NLRP11: variants seen among roughly 807,000 people sequenced by gnomAD.
The protein encoded by NLRP11 is NLR family pyrin domain containing 11.
Under a neutral mutation model 79.3 loss-of-function variants are expected in NLRP11, and 53 were observed. That is an observed-to-expected ratio of 0.67 (90% CI 0.54 to 0.84). NLRP11 has a LOEUF of 0.84. Ranked by LOEUF, NLRP11 falls within the 40% of genes least tolerant of loss-of-function variation. NLRP11 has a pLI of 0.00. For missense variants in NLRP11, 1,264 were observed against 1,255.0 expected (o/e 1.01, Z -0.11); for synonymous variants, 518 against 462.6 (o/e 1.12, Z -1.54).
rs541526729 is a variant in NLRP11 at position 55,809,468 on chromosome 19, T to C, written c.1142A>G (p.Glu381Gly). 4.0e-5 allele frequency: 64 copies of C among 1,614,142 alleles called. No homozygotes were observed. The South Asian group carries it at 6.4e-4, about 16-fold the overall frequency. ...ATACTGATTGGCAGTAAGTCCAGCC[T>C]CTGATGTCAACGCATCAGCAAGAAA... The change falls in exon 3 of 10, where the codon GAG (glutamate) becomes GGG (glycine). Residue 381 changes from glutamate to glycine, a missense_variant. Physicochemically the swap from Glu to Gly is moderately conservative, Grantham distance 98. Transcript: ENST00000589093. This position sits in a 1 kb window ranked among gnomAD's most constrained non-coding sequence, Gnocchi z 4.5.
At chr19:55,805,649 C>G (rs904772997) in intron 4 of NLRP11, among the ~76,000 whole-genome samples, 2 of 152,126 alleles carry the variant, frequency 1.3e-5, no homozygotes, top group African/African-American at 4.8e-5. Context: ...AAGCGATTCT[C>G]CTGCCTCAGC....
exon 3 of NLRP11, chr19:55,808,821 T>C: frequency 6.2e-7 from 1 of 1,613,510 alleles, no homozygotes; most frequent in South Asian, 1.1e-5. Flanking sequence ...CGCTGAACAC[T>C]CAACTTAAGT....
chr19:55,799,708 GA>G (rs1446661791), intron 5 of NLRP11, among the ~76,000 whole-genome samples: 5 of 152,074 alleles, frequency 3.3e-5, no homozygotes, highest in African/African-American at 1.2e-4. Flanking sequence ...ATGTCAGAAA[GA>G]AAGTGAGGGG....
At chr19:55,806,134 T>C (rs1347232010) in intron 4 of NLRP11, among the ~76,000 whole-genome samples, 1 of 152,238 alleles carries the variant, frequency 6.6e-6, no homozygotes, top group Non-Finnish European at 1.5e-5. Context: ...AATCACTTTA[T>C]GTTGGAGAAC....
At chr19:55,829,597 G>A (rs1982549115) in intron 1 of NLRP11, among the ~76,000 whole-genome samples, 2 of 140,810 alleles carry the variant, frequency 1.4e-5, no homozygotes, top group Admixed American at 1.5e-4. Context: ...AACCTCAGAA[G>A]TGGAGGTTGC....
At chr19:55,795,538 G>T (rs1396127052) in intron 6 of NLRP11, among the ~76,000 whole-genome samples, 2 of 151,978 alleles carry the variant, frequency 1.3e-5, no homozygotes, top group African/African-American at 4.8e-5. Flanking sequence ...CACCCAGGCT[G>T]GAGTGCAGTG....
chr19:55,828,297 G>A (rs1266421700), intron 1 of NLRP11, among the ~76,000 whole-genome samples: 3 of 150,326 alleles, frequency 2.0e-5, no homozygotes, highest in East Asian at 2.0e-4. Context: ...GGAGAGCATT[G>A]GGAGATATAC....
intron 1 of NLRP11, among the ~76,000 whole-genome samples, chr19:55,821,526 T>C (rs1185200047): frequency 6.6e-6 from 1 of 152,186 alleles, no homozygotes; most frequent in African/African-American, 2.4e-5. Flanking sequence ...ATTCAACACC[T>C]GACACACAGG....
chr19:55,789,162 T>C, intron 8 of NLRP11, 67 bp downstream of exon 8: 1 of 1,502,344 alleles, frequency 6.7e-7, no homozygotes, highest in Non-Finnish European at 9.1e-7. Context: ...CCCAATCCAC[T>C]TCCTCTTGTG....
chr19:55,793,181 A>G (rs1220627324), intron 6 of NLRP11, among the ~76,000 whole-genome samples: 1 of 152,180 alleles, frequency 6.6e-6, no homozygotes, highest in African/African-American at 2.4e-5. Context: ...CACCCGGCCG[A>G]ATCTCTATTT....
chr19:55,785,569 C>T (rs1020693299), exon 10 of NLRP11: 2 of 1,520,938 alleles, frequency 1.3e-6, no homozygotes, highest in African/African-American at 1.4e-5. Context: ...TCCTAATTCT[C>T]TTGCATCCCA....
chr19:55,834,457 T>C (rs533134905), upstream of NLRP11, among the ~76,000 whole-genome samples: 5 of 152,348 alleles, frequency 3.3e-5, no homozygotes, highest in Non-Finnish European at 5.9e-5. Flanking sequence ...CCAACTAATA[T>C]TTGGTGACTA....
At chr19:55,811,031 G>A (rs1460522060) in intron 2 of NLRP11, among the ~76,000 whole-genome samples, 1 of 152,118 alleles carries the variant, frequency 6.6e-6, no homozygotes, top group Non-Finnish European at 1.5e-5. Flanking sequence ...TTCAGGGACT[G>A]TTTCCTGGTA....
intron 9 of NLRP11, among the ~76,000 whole-genome samples, chr19:55,787,694 A>G (rs1989967393): frequency 2.0e-5 from 3 of 152,312 alleles, no homozygotes; most frequent in South Asian, 4.1e-4. Flanking sequence ...TGGTGAGCCT[A>G]CATAGAATTG....
chr19:55,810,575 C>A (rs543819135), intron 2 of NLRP11, among the ~76,000 whole-genome samples: 70 of 152,308 alleles, frequency 4.6e-4, no homozygotes, highest in African/African-American at 1.6e-3. Flanking sequence ...GGGCTCACTA[C>A]AGCCTCCACC....
chr19:55,817,343 C>G (rs1981230346), intron 2 of NLRP11, among the ~76,000 whole-genome samples: 1 of 152,046 alleles, frequency 6.6e-6, no homozygotes, highest in Admixed American at 6.6e-5. Context: ...CAGAGGAAAA[C>G]AAGTCATTAT....
chr19:55,815,940 A>G (rs1568639849), intron 2 of NLRP11, among the ~76,000 whole-genome samples: 1 of 149,234 alleles, frequency 6.7e-6, no homozygotes, highest in Non-Finnish European at 1.5e-5. Flanking sequence ...CGAGGTTATG[A>G]GCCTTGACTC....
chr19:55,785,804 TG>T lies in NLRP11; in HGVS notation c.2922del (p.Ser975ValfsTer2), dbSNP rs1455635308. ...CAAGTTTCAGACAGAAAGATCAAAC[TG>T]GGTTTTCTTTCCTTTACAGTCATCA... On this transcript the variant is annotated frameshift_variant, in exon 10 of 10. Transcript: ENST00000589093. LOFTEE classifies it low-confidence loss of function (END_TRUNC). 1.9e-6 allele frequency: 3 copies of T among 1,614,096 alleles called. No homozygotes were observed. Among genetic ancestry groups the T allele is most frequent in the Non-Finnish European group, 2.5e-6 (3 of 1,179,918 alleles).
At chr19:55,791,409 C>A (rs900761421) in intron 7 of NLRP11, among the ~76,000 whole-genome samples, 1 of 152,082 alleles carries the variant, frequency 6.6e-6, no homozygotes, top group Non-Finnish European at 1.5e-5. Flanking sequence ...CCATTTGTAC[C>A]AAATTACAAT....
Sources: allele counts gnomAD v4.1 joint callset (sites outside exome capture counted in the v4.1 genomes callset), GRCh38; gene constraint gnomAD v4.1.1; non-coding constraint Gnocchi (gnomAD v3.1); transcripts MANE v1.5; gene names NCBI Gene and HGNC (gene_info 2026-07-23, HGNC 2026-07-21).